The following COL8A1 variants were observed in gnomAD, a reference collection of about 807,000 sequenced individuals.
COL8A1 encodes the protein collagen alpha-1(VIII) chain.
Under a neutral mutation model 42.7 loss-of-function variants are expected in COL8A1, and 21 were observed. The observed-to-expected ratio is 0.49, with a 90% CI of 0.35 to 0.71. COL8A1 has a LOEUF of 0.71. COL8A1 is among the 30% of genes least tolerant of loss of function. COL8A1 has a pLI of 0.01. For missense variants in COL8A1, 788 were observed against 962.4 expected, an observed-to-expected ratio of 0.82 and a Z score of 2.40; for synonymous variants, 367 against 369.1, an observed-to-expected ratio of 0.99 and a Z score of 0.06.
intron 1 of COL8A1, among the ~76,000 whole-genome samples, chr3:99,699,127 A>G (rs564437916): frequency 1.3e-5 from 2 of 152,342 alleles, no homozygotes; most frequent in East Asian, 3.9e-4. Flanking sequence ...GCATATGTTC[A>G]TTAAAATTCC....
chr3:99,733,996 G>A (rs1940615414), intron 1 of COL8A1, among the ~76,000 whole-genome samples: 1 of 151,940 alleles, frequency 6.6e-6, no homozygotes, highest in South Asian at 2.1e-4. Flanking sequence ...TGATGGGGTT[G>A]TTTGTTTCTT....
intron 1 of COL8A1, among the ~76,000 whole-genome samples, chr3:99,659,757 C>A (rs1606499): frequency 6.6e-6 from 1 of 152,208 alleles, no homozygotes; most frequent in South Asian, 2.1e-4. Flanking sequence ...CTGCCATGCT[C>A]AAAATGAGTC....
intron 1 of COL8A1, among the ~76,000 whole-genome samples, chr3:99,742,302 C>A (rs563118917): frequency 2.1e-3 from 327 of 152,274 alleles, no homozygotes; most frequent in African/African-American, 7.3e-3. Context: ...GAAGAAAAAA[C>A]AAATCTAACT....
At chr3:99,784,077 C>A (rs1450781989) in intron 2 of COL8A1, among the ~76,000 whole-genome samples, 1 of 152,158 alleles carries the variant, frequency 6.6e-6, no homozygotes, top group African/African-American at 2.4e-5. Flanking sequence ...TTATTTCATG[C>A]AAAAGGAGGG....
At chr3:99,720,766 A>C (rs563491559) in intron 1 of COL8A1, among the ~76,000 whole-genome samples, 1 of 152,150 alleles carries the variant, frequency 6.6e-6, no homozygotes, top group Non-Finnish European at 1.5e-5. Context: ...ACTGTCATGT[A>C]TTCAAAAACC....
chr3:99,741,000 G>A (rs1940884658), intron 1 of COL8A1, among the ~76,000 whole-genome samples: 1 of 151,774 alleles, frequency 6.6e-6, no homozygotes, highest in South Asian at 2.1e-4. Context: ...TGAATTCCTA[G>A]AAGCATCAAA....
intron 1 of COL8A1, among the ~76,000 whole-genome samples, chr3:99,663,936 C>T (rs1320230067): frequency 6.6e-6 from 1 of 152,178 alleles, no homozygotes; most frequent in Non-Finnish European, 1.5e-5. Flanking sequence ...TCCCCTACCA[C>T]AGTTTCCTGC....
Position 99,795,904 on chromosome 3 carries a change from A to C in COL8A1, c.2003A>C (p.His668Pro). 5 of 1,614,154 alleles carry C rather than the reference A, an allele frequency of 3.1e-6. No individual in the cohort carries two copies. The highest frequency in any genetic ancestry group is 4.2e-6 in the Non-Finnish European group (5 of 1,180,002). Residue 668 changes from histidine (H) to proline (P), a missense_variant, in exon 4 of 4, where the codon CAC (histidine) becomes CCC (proline). This residue lies in a region of COL8A1 where 212 missense variants were observed against 210.9 expected (regional missense o/e 1.00). Coordinates refer to ENST00000652472, the MANE Select transcript of COL8A1 (RefSeq NM_020351.4). ...GTCTACTACTTTGCATACCACGTTC[A>C]CTGCAAGGGGGGCAACGTGTGGGTT... Reference protein sequence around the residue: ...PGVYYFAYHVHCKGGNVWVAL... With the variant: ...PGVYYFAYHVPCKGGNVWVAL...
intron 1 of COL8A1, among the ~76,000 whole-genome samples, chr3:99,648,984 A>G (rs556218625): frequency 6.6e-6 from 1 of 152,264 alleles, no homozygotes; most frequent in Admixed American, 6.5e-5. Flanking sequence ...AAGACAAAAA[A>G]GGAAACAAAG....
intron 1 of COL8A1, among the ~76,000 whole-genome samples, chr3:99,739,834 AT>A (rs1940848498): frequency 6.6e-6 from 1 of 152,046 alleles, no homozygotes; most frequent in African/African-American, 2.4e-5. Flanking sequence ...CTGGCTCCTC[AT>A]TGCTTATGCA....
intron 1 of COL8A1, among the ~76,000 whole-genome samples, chr3:99,690,807 A>C (rs1388494779): frequency 6.6e-6 from 1 of 152,236 alleles, no homozygotes; most frequent in Non-Finnish European, 1.5e-5. Context: ...CGGAATTAGC[A>C]AACAGGATAT....
At chr3:99,749,345 T>C (rs1003711859) in intron 2 of COL8A1, among the ~76,000 whole-genome samples, 1 of 151,450 alleles carries the variant, frequency 6.6e-6, no homozygotes, top group African/African-American at 2.5e-5. Context: ...TACTGCTTCT[T>C]ATTTCAAAGC....
At chr3:99,763,981 G>A (rs1941412404) in intron 2 of COL8A1, among the ~76,000 whole-genome samples, 1 of 152,196 alleles carries the variant, frequency 6.6e-6, no homozygotes, top group Non-Finnish European at 1.5e-5. Context: ...AAGTAACCAT[G>A]CATTTGACTC....
rs1485805328 is a variant in COL8A1, at chr3:99,797,209, T to C, written c.*1073T>C. 3.9e-5 allele frequency: 6 copies of C among 152,228 alleles called. No homozygotes were observed. Among genetic ancestry groups the C allele is most frequent in the Admixed American group, 2.0e-4 (3 of 15,282 alleles). The allele number at this position is 152,228 out of a possible 1,614,324, so 9.4% of individuals were successfully genotyped here. On this transcript the variant is annotated 3_prime_UTR_variant, in exon 4 of 4. Coordinates refer to ENST00000652472, the MANE Select transcript of COL8A1 (RefSeq NM_020351.4). The stretch of plus-strand genomic sequence containing the variant: ...ATCAGTAATTTTTAGTAACTGAATT[T>C]TGAGGACATTTCTCTGTTTAGCATG...
At chr3:99,670,032 C>G (rs542667642) in intron 1 of COL8A1, among the ~76,000 whole-genome samples, 3 of 152,050 alleles carry the variant, frequency 2.0e-5, no homozygotes, top group African/African-American at 7.2e-5. Flanking sequence ...CTCCAGGACC[C>G]AAAGAAGAGA....
rs536460341 is a variant in COL8A1 at position 99,682,584 on chromosome 3, T to C, written c.-129+43920T>C. Among the ~76,000 whole-genome samples, 8 of 151,592 alleles carry C rather than the reference T, an allele frequency of 5.3e-5. No homozygotes were observed. In the South Asian group the frequency reaches 1.0e-3, roughly 20 times the overall value. On this transcript the variant is annotated intron_variant, in intron 1 of 3. Coordinates refer to ENST00000652472, the MANE Select transcript of COL8A1 (RefSeq NM_020351.4). ...TGGGGTACTTCTGGTCTGACTTTTATGTTCAGAATTAAGTAAAAGGAATGT... is the reference window on the plus strand; with the variant it reads ...TGGGGTACTTCTGGTCTGACTTTTACGTTCAGAATTAAGTAAAAGGAATGT...
At chr3:99,793,106 C>G (rs1285227205) in intron 3 of COL8A1, among the ~76,000 whole-genome samples, 1 of 152,032 alleles carries the variant, frequency 6.6e-6, no homozygotes, top group Non-Finnish European at 1.5e-5. Context: ...TGGTGGTTAC[C>G]AGAGGCCTTG....
At chr3:99,761,637 A>G (rs1276684168) in intron 2 of COL8A1, among the ~76,000 whole-genome samples, 1 of 152,190 alleles carries the variant, frequency 6.6e-6, no homozygotes, top group Non-Finnish European at 1.5e-5. Context: ...GCCAAGCAGG[A>G]GCAGCCTGTG....
chr3:99,778,585 C>A (rs1171504401), intron 2 of COL8A1, among the ~76,000 whole-genome samples: 1 of 151,804 alleles, frequency 6.6e-6, no homozygotes, highest in Non-Finnish European at 1.5e-5. Flanking sequence ...CATCGGTCAA[C>A]CCTTCATCAT....
Sources: allele counts gnomAD v4.1 joint callset (sites outside exome capture counted in the v4.1 genomes callset), GRCh38; gene constraint gnomAD v4.1.1; regional missense constraint gnomAD v4.1.1; transcripts MANE v1.5; gene names NCBI Gene and HGNC (gene_info 2026-07-23, HGNC 2026-07-21).